PRKAR1A: variants seen among roughly 807,000 people sequenced by gnomAD.
PRKAR1A encodes the protein protein kinase cAMP-dependent type I regulatory subunit alpha, also known as cAMP-dependent protein kinase type I-alpha regulatory subunit.
PRKAR1A carries 3 observed loss-of-function variants against 52.0 expected under a neutral mutation model. The ratio of observed to expected loss-of-function variants is 0.06; its 90% CI spans 0.03 to 0.15. The LOEUF (loss-of-function observed/expected upper bound fraction) is 0.15. PRKAR1A is among the 10% of genes least tolerant of loss of function. PRKAR1A has a pLI of 1.00. For missense variants in PRKAR1A, 240 were observed against 477.4 expected, an observed-to-expected ratio of 0.50 and a Z score of 4.63; for synonymous variants, 188 against 168.4, an observed-to-expected ratio of 1.12 and a Z score of -0.90.
At chr17:68,426,831 G>T in the PRKAR1A span, among the ~76,000 whole-genome samples, 1 of 152,184 alleles carries the variant, frequency 6.6e-6, no homozygotes, top group South Asian at 2.1e-4. Context: ...CAATGTGCCT[G>T]GCCTCATTGG....
At chr17:68,420,555 T>C in the PRKAR1A span, 1 of 1,409,166 alleles carries the variant, frequency 7.1e-7, no homozygotes, top group Non-Finnish European at 9.8e-7. Flanking sequence ...AAACACACGC[T>C]TTAGTTTAGT....
chr17:68,441,751 G>A, the PRKAR1A span, among the ~76,000 whole-genome samples: 1 of 152,194 alleles, frequency 6.6e-6, no homozygotes, highest in Non-Finnish European at 1.5e-5. Flanking sequence ...TGGCAACTCT[G>A]GGGGCTAAAA....
At chr17:68,518,208 A>G (rs568673248) in intron 2 of PRKAR1A, among the ~76,000 whole-genome samples, 37 of 152,240 alleles carry the variant, frequency 2.4e-4, no homozygotes, top group African/African-American at 8.4e-4. Context: ...TGGATCTACC[A>G]TTCTGGAGTC....
Position 68,531,437 on chromosome 17 carries a change from G to A in PRKAR1A, c.*988G>A, listed in dbSNP as rs2085972969. On this transcript the variant is annotated 3_prime_UTR_variant, in exon 11 of 11. Transcript: ENST00000589228. ...CAGATGGAGCAAATGTCCTAACAGA[G>A]AAATAGAGGTGATGCTGCTAAAGGG... The A allele has an allele frequency of 1.9e-6, 2 of 1,066,008 alleles. No homozygotes were observed. Among genetic ancestry groups the A allele is most frequent in the South Asian group, 9.1e-5 (2 of 21,986 alleles). The allele number at this position is 1,066,008 out of a possible 1,614,324, so 66.0% of individuals were successfully genotyped here. A position where few individuals can be genotyped will look rare whatever the true frequency, so the allele number is the denominator to read the frequency against.
the PRKAR1A span, among the ~76,000 whole-genome samples, chr17:68,502,717 A>T: frequency 1.3e-4 from 20 of 148,738 alleles, no homozygotes; most frequent in African/African-American, 5.0e-4. Flanking sequence ...GCACCATTGA[A>T]CTCCAGCCTG....
chr17:68,529,618 G>GT, intron 9 of PRKAR1A, among the ~76,000 whole-genome samples: 1 of 152,338 alleles, frequency 6.6e-6, no homozygotes, highest in Middle Eastern at 3.4e-3. Context: ...GTAAATGAAT[G>GT]TATGTGGTAT....
At chr17:68,524,811 C>G (rs2085733636) in intron 5 of PRKAR1A, 101 bp from the exon 6 acceptor site, 3 of 902,086 alleles carry the variant, frequency 3.3e-6, no homozygotes, top group South Asian at 1.3e-5. Flanking sequence ...GTAACACACT[C>G]TCACAGTACC....
intron 11 of PRKAR1A, chr17:68,539,768 A>G (rs1162425827): frequency 5.4e-6 from 5 of 922,712 alleles, no homozygotes; most frequent in Non-Finnish European, 8.8e-6. Flanking sequence ...CGAAGGAGAC[A>G]AGGCACGTGG....
chr17:68,532,644 C>T lies in PRKAR1A; in HGVS notation c.*2195C>T. 1 of 1,066,226 alleles carries T rather than the reference C, an allele frequency of 9.4e-7. No individual in the cohort carries two copies. Among genetic ancestry groups the T allele is most frequent in the Non-Finnish European group, 1.1e-6 (1 of 879,630 alleles). The allele number at this position is 1,066,226 out of a possible 1,614,324, so 66.0% of individuals were successfully genotyped here. On this transcript the variant is annotated 3_prime_UTR_variant, in exon 11 of 11. Coordinates refer to ENST00000589228, the MANE Select transcript of PRKAR1A (RefSeq NM_002734.5). ...CTAGAAAGTATAGATGGCCAAAGGA[C>T]CGTTTTGTATTGCTTCCTGATTACC...
the PRKAR1A span, chr17:68,430,021 G>A: frequency 6.2e-7 from 1 of 1,614,206 alleles, no homozygotes; most frequent in Non-Finnish European, 8.5e-7. Context: ...ATGTTCCTCT[G>A]TCCGGAGAAG....
the PRKAR1A span, among the ~76,000 whole-genome samples, chr17:68,451,987 A>G: frequency 6.6e-6 from 1 of 152,224 alleles, no homozygotes. Context: ...TAACAATAAC[A>G]TCTTACAAAT....
At chr17:68,544,192 A>G (rs1415946091) in intron 11 of PRKAR1A, among the ~76,000 whole-genome samples, 1 of 152,070 alleles carries the variant, frequency 6.6e-6, no homozygotes, top group Non-Finnish European at 1.5e-5. Context: ...GCTGGGGTTG[A>G]AGAACAGAAA....
At chr17:68,421,172 C>T in the PRKAR1A span, 1 of 155,040 alleles carries the variant, frequency 6.4e-6, no homozygotes, top group South Asian at 2.0e-4. Context: ...GGCCCAATCC[C>T]CTTCCTCTCC....
At chr17:68,527,281 T>A (rs1273405583) in intron 7 of PRKAR1A, among the ~76,000 whole-genome samples, 1 of 152,164 alleles carries the variant, frequency 6.6e-6, no homozygotes, top group Non-Finnish European at 1.5e-5. Flanking sequence ...CCTTTTTTTA[T>A]AGAATAAAGA....
At chr17:68,544,079 A>C (rs746409659) in intron 11 of PRKAR1A, among the ~76,000 whole-genome samples, 1 of 152,222 alleles carries the variant, frequency 6.6e-6, no homozygotes, top group Non-Finnish European at 1.5e-5. Flanking sequence ...AATGGTTAGC[A>C]GAACCAGAGG....
At chr17:68,415,471 C>G in the PRKAR1A span, among the ~76,000 whole-genome samples, 6 of 152,190 alleles carry the variant, frequency 3.9e-5, no homozygotes, top group Admixed American at 1.3e-4. Flanking sequence ...GTTCCATGCA[C>G]TACTGAATAG....
At chr17:68,534,614 C>CTA (rs2086055466), downstream of PRKAR1A, among the ~76,000 whole-genome samples, 1 of 136,504 alleles carries the variant, frequency 7.3e-6, no homozygotes, top group Admixed American at 7.8e-5. Context: ...GGTGATTTCA[C>CTA]TATTAAAAGC....
At chr17:68,541,813 A>T in intron 11 of PRKAR1A, 2 of 721,806 alleles carry the variant, frequency 2.8e-6, no homozygotes, top group Non-Finnish European at 2.3e-6. Context: ...GAATAAATGA[A>T]CTAAAGGGGA....
At chr17:68,473,000 A>AT in the PRKAR1A span, among the ~76,000 whole-genome samples, 1 of 151,972 alleles carries the variant, frequency 6.6e-6, no homozygotes, top group Non-Finnish European at 1.5e-5. Flanking sequence ...TGATCATTAG[A>AT]TTTTTCTGCT....
Sources: gnomAD v4.1 joint callset for allele counts (sites outside exome capture counted in the v4.1 genomes callset) on GRCh38, gnomAD v4.1.1 for gene constraint, MANE v1.5 for transcripts, NCBI Gene and HGNC (gene_info 2026-07-23, HGNC 2026-07-21) for gene names.